MPP7: variants seen among roughly 807,000 people sequenced by gnomAD.
MPP7 encodes the protein MAGUK p55 scaffold protein 7.
MPP7 carries 60 observed loss-of-function variants against 76.5 expected under a neutral mutation model. The observed-to-expected ratio is 0.78, with a 90% CI of 0.64 to 0.97. The LOEUF is 0.97. Among genes scored for constraint, MPP7 ranks in the 50% least tolerant of loss-of-function variants. The pLI, the probability that MPP7 is intolerant of heterozygous loss-of-function variation, is 0.00. For missense variants in MPP7, 641 were observed against 694.0 expected (o/e 0.92, Z 0.86); for synonymous variants, 237 against 244.5 (o/e 0.97, Z 0.29).
At chr10:28,176,726 G>C (rs1257068314) in intron 3 of MPP7, among the ~76,000 whole-genome samples, 1 of 151,622 alleles carries the variant, frequency 6.6e-6, no homozygotes. Context: ...AACAGAGCAA[G>C]ACTCTGTCTA....
Position 28,162,428 on chromosome 10 carries a change from C to A in MPP7, c.157-12369G>T, listed in dbSNP as rs531720348. Among the ~76,000 whole-genome samples, 6 of 152,062 alleles carry A rather than the reference C, an allele frequency of 3.9e-5. No individual in the cohort carries two copies. The South Asian group carries it at 1.2e-3, about 32-fold the overall frequency. ...ACTCTGAAATATTTCTAAAAAAATA[C>A]AAAGATAAAAATACTATGAAAAGTC... On this transcript the variant is annotated intron_variant, in intron 3 of 16. Coordinates refer to ENST00000683449, the MANE Select transcript of MPP7 (RefSeq NM_001318170.2).
At chr10:28,330,644 C>CT (rs1203597573) in intron 1 of MPP7, among the ~76,000 whole-genome samples, 1 of 151,894 alleles carries the variant, frequency 6.6e-6, no homozygotes, top group South Asian at 2.1e-4. Flanking sequence ...TATGGGGTTG[C>CT]TTTTTTTGTT....
intron 1 of MPP7, among the ~76,000 whole-genome samples, chr10:28,299,338 C>T (rs149749052): frequency 1.3e-5 from 2 of 152,154 alleles, no homozygotes; most frequent in East Asian, 3.9e-4. Context: ...TGTTGTGTCT[C>T]AGGGAATAGG....
At chr10:28,176,416 G>C (rs1054247709) in intron 3 of MPP7, among the ~76,000 whole-genome samples, 28 of 152,006 alleles carry the variant, frequency 1.8e-4, no homozygotes, top group African/African-American at 6.5e-4. Context: ...GCCAAAGCTG[G>C]GGTCATTTTA....
At chr10:28,224,528 A>G (rs1357935413) in intron 2 of MPP7, among the ~76,000 whole-genome samples, 1 of 152,244 alleles carries the variant, frequency 6.6e-6, no homozygotes, top group Admixed American at 6.5e-5. Flanking sequence ...ATGAATTAGT[A>G]CAAAGCTAAA....
At chr10:28,129,791 A>G (rs1051289184) in intron 6 of MPP7, among the ~76,000 whole-genome samples, 2 of 152,112 alleles carry the variant, frequency 1.3e-5, no homozygotes, top group Non-Finnish European at 2.9e-5. Flanking sequence ...CCCTCCTGAT[A>G]TAAATCCCTT....
At chr10:28,183,488 G>A (rs1258316152) in intron 3 of MPP7, among the ~76,000 whole-genome samples, 1 of 152,158 alleles carries the variant, frequency 6.6e-6, no homozygotes, top group Non-Finnish European at 1.5e-5. Context: ...AAAAAAGCCA[G>A]AAGAAAAGTT....
intron 3 of MPP7, among the ~76,000 whole-genome samples, chr10:28,191,353 C>A (rs2607545): frequency 0.83 from 125,580 of 152,204 alleles, 52,429 homozygotes; most frequent in African/African-American, 0.89. Context: ...AGAATTACAG[C>A]CTAACCGTAC....
At chr10:28,092,590 TGAGAC>T (rs1853363956) in intron 11 of MPP7, among the ~76,000 whole-genome samples, 1 of 149,420 alleles carries the variant, frequency 6.7e-6, no homozygotes. Context: ...TTTTTTTTTT[TGAGAC>T]AGGGACTGGC....
At chr10:28,223,993 C>T (rs1344995967) in intron 2 of MPP7, among the ~76,000 whole-genome samples, 1 of 151,270 alleles carries the variant, frequency 6.6e-6, no homozygotes, top group Non-Finnish European at 1.5e-5. Flanking sequence ...GTCAGGAGTT[C>T]GAGACCAGCC....
intron 2 of MPP7, among the ~76,000 whole-genome samples, chr10:28,208,477 C>T (rs923589464): frequency 6.6e-6 from 1 of 152,180 alleles, no homozygotes; most frequent in African/African-American, 2.4e-5. Context: ...CTCTGGGATG[C>T]CCACAAGACT....
At chr10:28,118,612 A>G (rs979403628) in intron 11 of MPP7, 2 of 985,400 alleles carry the variant, frequency 2.0e-6, no homozygotes, top group Non-Finnish European at 2.4e-6. Context: ...GAAAGCTTTA[A>G]GTTTTCTGAT....
At chr10:28,197,400 C>G (rs1179547699) in intron 3 of MPP7, among the ~76,000 whole-genome samples, 2 of 152,054 alleles carry the variant, frequency 1.3e-5, no homozygotes, top group Non-Finnish European at 2.9e-5. Context: ...CCAGGCTGGT[C>G]TCGAACTGTT....
intron 11 of MPP7, among the ~76,000 whole-genome samples, chr10:28,090,718 A>G (rs1779735576): frequency 6.6e-6 from 1 of 152,252 alleles, no homozygotes; most frequent in Non-Finnish European, 1.5e-5. Flanking sequence ...AAGCTCACCC[A>G]GTCAACAATT....
rs150521486 is a variant in MPP7, at chr10:28,099,092, T to G, written c.953-9251A>C. On this transcript the variant is annotated intron_variant, in intron 11 of 16. Transcript: ENST00000683449. ...AATGATCTCACTTTTTAATAAAATATTGACCTTTAAGATGGCATTTTATTA... is the reference window on the plus strand; with the variant it reads ...AATGATCTCACTTTTTAATAAAATAGTGACCTTTAAGATGGCATTTTATTA... 7.2e-3 allele frequency among the ~76,000 whole-genome samples: 1,092 copies of G among 152,288 alleles called. 14 individuals carry two copies. The highest frequency in any genetic ancestry group is 0.025 in the African/African-American group (1,040 of 41,556).
chr10:28,099,451 G>C (rs1429004724), intron 11 of MPP7, among the ~76,000 whole-genome samples: 1 of 152,158 alleles, frequency 6.6e-6, no homozygotes, highest in Non-Finnish European at 1.5e-5. Flanking sequence ...TGGGAAAAGA[G>C]GTCCTAGTGA....
intron 11 of MPP7, among the ~76,000 whole-genome samples, chr10:28,094,283 G>A (rs748747549): frequency 1.3e-5 from 2 of 151,102 alleles, no homozygotes; most frequent in Non-Finnish European, 2.9e-5. Context: ...CAATGCAAAG[G>A]AGCAAAGGCA....
chr10:28,118,081 T>C (rs1011653446), intron 11 of MPP7: 1 of 961,702 alleles, frequency 1.0e-6, no homozygotes, highest in Admixed American at 6.2e-5. Context: ...TAAATATTTA[T>C]CAGATCCAAA....
intron 11 of MPP7, among the ~76,000 whole-genome samples, chr10:28,106,401 A>G (rs1834327039): frequency 6.6e-6 from 1 of 152,182 alleles, no homozygotes; most frequent in Admixed American, 6.5e-5. Flanking sequence ...GTTTATATTA[A>G]TAACATCCCT....
Sources: allele counts gnomAD v4.1 joint callset (sites outside exome capture counted in the v4.1 genomes callset), GRCh38; gene constraint gnomAD v4.1.1; transcripts MANE v1.5; gene names NCBI Gene and HGNC (gene_info 2026-07-23, HGNC 2026-07-21).